The following IPO13 variants were observed in gnomAD, a reference collection of about 807,000 sequenced individuals.
IPO13 encodes importin-13.
IPO13 carries 28 observed loss-of-function variants against 115.5 expected under a neutral mutation model. That is an observed-to-expected ratio of 0.24 (90% CI 0.18 to 0.33). The LOEUF (loss-of-function observed/expected upper bound fraction) is 0.33, where lower values mean the gene tolerates loss of function less well. Ranked by LOEUF, IPO13 falls within the 10% of genes least tolerant of loss-of-function variation. The probability of loss-of-function intolerance (pLI) is 1.00; values close to 1 mark genes in which losing one functional copy is unlikely to be tolerated. For missense variants in IPO13, 785 were observed against 1,204.6 expected (o/e 0.65, Z 5.16); for synonymous variants, 414 against 478.9 (o/e 0.86, Z 1.77).
At position 43,966,870 on chromosome 1, in the gene IPO13, T is replaced by C. The variant is rs536443766; in HGVS notation, c.2524-60T>C. ...AGACAGTAGGGCTGGGGTGTACAGG[T>C]CTTGTCCTCAGGGAGAGCTGGGAAG... is the stretch of plus-strand genomic sequence containing the variant. On this transcript the variant is annotated intron_variant, in intron 17 of 19. Transcript: ENST00000372343. The surrounding 1 kb of genome is among the most constrained non-coding windows in gnomAD (Gnocchi z 4.1). 993 of 1,608,588 alleles carry C rather than the reference T, an allele frequency of 6.2e-4. 11 individuals carry two copies. In the South Asian group the frequency reaches 0.01, roughly 17 times the overall value.
rs373442225 is a variant in IPO13 at position 43,956,270 on chromosome 1, G to A, written c.822-50G>A. ...ATTATGCCTTTCTCTTAAAGCCAGT[G>A]TGGGGTTGAGCAGAGAGCTCTGATG... On this transcript the variant is annotated intron_variant, in intron 2 of 19. Transcript: ENST00000372343. The surrounding 1 kb of genome is among the most constrained non-coding windows in gnomAD (Gnocchi z 4.7). 22 of 1,606,486 alleles carry A rather than the reference G, an allele frequency of 1.4e-5. No individual in the cohort carries two copies. The highest frequency in any genetic ancestry group is 8.5e-7 in the Non-Finnish European group (1 of 1,174,434).
intron 2 of IPO13, among the ~76,000 whole-genome samples, chr1:43,954,535 A>G (rs947786322): frequency 1.3e-5 from 2 of 152,114 alleles, no homozygotes. Flanking sequence ...TGGTGACACT[A>G]TGATTGACAA....
chr1:43,948,749 C>T (rs1230697605), intron 1 of IPO13, among the ~76,000 whole-genome samples: 1 of 152,164 alleles, frequency 6.6e-6, no homozygotes, highest in Admixed American at 6.5e-5. Flanking sequence ...GAATTGAGAC[C>T]CCGGGGATTC....
At position 43,956,674 on chromosome 1, in the gene IPO13, A is replaced by T; in HGVS notation, c.1077A>T (p.Leu359=). 1 of 1,614,184 alleles carries T rather than the reference A, an allele frequency of 6.2e-7. No homozygotes were observed. Among genetic ancestry groups the T allele is most frequent in the Non-Finnish European group, 8.5e-7 (1 of 1,180,026 alleles). Residue 359 remains leucine (L), a synonymous_variant, in exon 4 of 20, where the codon CTA becomes CTT. Coordinates refer to ENST00000372343, the MANE Select transcript of IPO13 (RefSeq NM_014652.4). This position sits in a 1 kb window ranked among gnomAD's most constrained non-coding sequence, Gnocchi z 4.7. The part of the protein sequence containing the change: ...HYPVNETTSS[L]TLTFWYTLQD... ...CTGTCAATGAGACCACCAGCTCCCT[A>T]ACCCTCACCTTCTGGTACACACTGC... is the stretch of plus-strand genomic sequence containing the variant.
intron 14 of IPO13, 65 bp downstream of exon 14, chr1:43,961,327 G>C: frequency 3.1e-6 from 4 of 1,298,904 alleles, no homozygotes; most frequent in Non-Finnish European, 4.5e-6. Context: ...CCCAAATGGG[G>C]AGCCAAAGCT....
At chr1:43,964,210 TG>T in intron 14 of IPO13, 58 bp from the exon 15 acceptor site, 1 of 1,171,602 alleles carries the variant, frequency 8.5e-7, no homozygotes, top group South Asian at 1.2e-5. Flanking sequence ...CATAACTATA[TG>T]AGGTTGAGTT....
rs764136617 is a variant in IPO13, at chr1:43,958,128, C to G, written c.1692C>G (p.Pro564=). ...ICRECKYDLP[P]YAANIVAVSQ... The stretch of plus-strand genomic sequence containing the variant: ...GAGAGTGCAAGTATGACCTGCCTCC[C>G]TATGCTGCCAACATTGTGGCTGTGT... The change falls in exon 8 of 20, where the codon CCC becomes CCG. Residue 564 remains proline (P), a synonymous_variant. Coordinates refer to ENST00000372343, the MANE Select transcript of IPO13 (RefSeq NM_014652.4). This position sits in a 1 kb window ranked among gnomAD's most constrained non-coding sequence, Gnocchi z 6.3. 8.7e-6 allele frequency: 14 copies of G among 1,614,190 alleles called. No individual in the cohort carries two copies. The highest frequency in any genetic ancestry group is 1.2e-5 in the Non-Finnish European group (14 of 1,180,024).
chr1:43,963,002 T>G (rs2085300273), intron 14 of IPO13, among the ~76,000 whole-genome samples: 1 of 152,224 alleles, frequency 6.6e-6, no homozygotes, highest in Non-Finnish European at 1.5e-5. Context: ...GGCCCACCTC[T>G]AGCAGGGTGG....
chr1:43,966,732 G>A lies in IPO13; in HGVS notation c.2473G>A (p.Ala825Thr). ...VKAVFQCAVLALKFPEAPTVK... is the reference protein window; with the variant it reads ...VKAVFQCAVLTLKFPEAPTVK... ...CTCTGCCTTTCCCACAGCTGTGCTG[G>A]CCCTCAAGTTCCCTGAGGCACCTAC... is the stretch of plus-strand genomic sequence containing the variant. Residue 825 changes from alanine (A) to threonine (T), a missense_variant, in exon 17 of 20, where the codon GCC becomes ACC. Physicochemically the swap from Ala to Thr is moderately conservative, Grantham distance 58. This residue lies in a region of IPO13 where 285 missense variants were observed against 394.8 expected (regional missense o/e 0.72). Transcript: ENST00000372343. The surrounding 1 kb of genome is among the most constrained non-coding windows in gnomAD (Gnocchi z 4.1). 1 of 1,614,168 alleles carries A rather than the reference G, an allele frequency of 6.2e-7. No homozygotes were observed. Among genetic ancestry groups the A allele is most frequent in the Non-Finnish European group, 8.5e-7 (1 of 1,180,026 alleles).
chr1:43,967,644 C>T lies in IPO13; in HGVS notation c.2854C>T (p.Arg952Trp), dbSNP rs771297199. 8 of 1,614,054 alleles carry T rather than the reference C, an allele frequency of 5.0e-6. No homozygotes were observed. Among genetic ancestry groups the T allele is most frequent in the African/African-American group, 4.0e-5 (3 of 74,920 alleles). Reference sequence around the variant, plus strand: ...GGTGAAGGAGTTCACACTGCTGTGCCGGGGTCTCCATGGCACAGATTACAC... The same window carrying T: ...GGTGAAGGAGTTCACACTGCTGTGCTGGGGTCTCCATGGCACAGATTACAC... Reference protein sequence around the residue: ...EMVKEFTLLCRGLHGTDYTAD... With the variant: ...EMVKEFTLLCWGLHGTDYTAD... The change falls in exon 20 of 20, where the codon CGG becomes TGG. Residue 952 changes from arginine (R) to tryptophan (W), a missense_variant. Transcript: ENST00000372343. The surrounding 1 kb of genome is among the most constrained non-coding windows in gnomAD (Gnocchi z 6.1).
rs1557636503 is a variant in IPO13, at chr1:43,967,254, C to T, written c.2614-61C>T. On this transcript the variant is annotated intron_variant, in intron 18 of 19. Coordinates refer to ENST00000372343, the MANE Select transcript of IPO13 (RefSeq NM_014652.4). This position sits in a 1 kb window ranked among gnomAD's most constrained non-coding sequence, Gnocchi z 6.1. ...ACTGTCCAGAGGGCAGTTAGGCATT[C>T]TTGCTGCAGAAGCGGCGGAAGGGGC... is the stretch of plus-strand genomic sequence containing the variant. 1.3e-6 allele frequency: 2 copies of T among 1,557,632 alleles called. No homozygotes were observed. Among genetic ancestry groups the T allele is most frequent in the Non-Finnish European group, 1.8e-6 (2 of 1,137,958 alleles).
At position 43,950,055 on chromosome 1, in the gene IPO13, G is replaced by C; in HGVS notation, c.723G>C (p.Ala241=). 1 of 1,613,700 alleles carries C rather than the reference G, an allele frequency of 6.2e-7. No homozygotes were observed. The highest frequency in any genetic ancestry group is 8.5e-7 in the Non-Finnish European group (1 of 1,179,956). Residue 241 remains alanine (A), a synonymous_variant, in exon 2 of 20, where the codon GCG becomes GCC. Transcript: ENST00000372343. ...AGGTGCCGCTGCAGGACTGTGAGGC[G>C]CTCATTCAGGCTGCCTTTGCTGCTC... The part of the protein sequence containing the change: ...QLEVPLQDCE[A]LIQAAFAALQ...
At chr1:43,951,269 T>A (rs1048600147) in intron 2 of IPO13, among the ~76,000 whole-genome samples, 1 of 152,168 alleles carries the variant, frequency 6.6e-6, no homozygotes, top group African/African-American at 2.4e-5. Context: ...GAGCTCACAG[T>A]CTAGTGGACA....
chr1:43,964,116 T>C (rs2085307045), intron 14 of IPO13, among the ~76,000 whole-genome samples, 153 bp from the exon 15 acceptor site: 1 of 152,170 alleles, frequency 6.6e-6, no homozygotes, highest in Non-Finnish European at 1.5e-5. Flanking sequence ...TCCCAGTTCA[T>C]GGTTTTTGTA....
chr1:43,950,166 C>T lies in IPO13; in HGVS notation c.821+13C>T. ...CTGATGCCCAGAGGTGAGCTAGTACCCACTCACCCAGAAGACAACCTCTTT... is the reference window on the plus strand; with the variant it reads ...CTGATGCCCAGAGGTGAGCTAGTACTCACTCACCCAGAAGACAACCTCTTT... On this transcript the variant is annotated intron_variant, in intron 2 of 19. Transcript: ENST00000372343. 1 of 1,586,362 alleles carries T rather than the reference C, an allele frequency of 6.3e-7. No homozygotes were observed. The highest frequency in any genetic ancestry group is 8.6e-7 in the Non-Finnish European group (1 of 1,163,958).
At position 43,967,547 on chromosome 1, in the gene IPO13, G is replaced by A; in HGVS notation, c.2796-39G>A. On this transcript the variant is annotated intron_variant, in intron 19 of 19. Coordinates refer to ENST00000372343, the MANE Select transcript of IPO13 (RefSeq NM_014652.4). The surrounding 1 kb of genome is among the most constrained non-coding windows in gnomAD (Gnocchi z 6.1). ...GGTCAGGCAGAGAGGGGGCAGTGGTGGTGGCTGGTGCTAACCTGCTCTCCC... is the reference window on the plus strand; with the variant it reads ...GGTCAGGCAGAGAGGGGGCAGTGGTAGTGGCTGGTGCTAACCTGCTCTCCC... 1.2e-6 allele frequency: 2 copies of A among 1,614,070 alleles called. No individual in the cohort carries two copies. The highest frequency in any genetic ancestry group is 1.7e-6 in the Non-Finnish European group (2 of 1,179,922).
chr1:43,948,850 G>A (rs1408782797), intron 1 of IPO13, among the ~76,000 whole-genome samples: 1 of 152,248 alleles, frequency 6.6e-6, no homozygotes, highest in Non-Finnish European at 1.5e-5. Flanking sequence ...TGTGCCCTCT[G>A]AGGAGTGTTC....
At chr1:43,951,695 G>A (rs144712946) in intron 2 of IPO13, among the ~76,000 whole-genome samples, 1 of 152,336 alleles carries the variant, frequency 6.6e-6, no homozygotes, top group East Asian at 1.9e-4. Context: ...ATTAGAAGAA[G>A]TGAGACTGGA....
intron 12 of IPO13, 124 bp downstream of exon 12, chr1:43,960,453 C>T (rs2085281956): frequency 3.5e-6 from 3 of 851,930 alleles, no homozygotes; most frequent in African/African-American, 1.7e-5. Context: ...AATCCTGCCC[C>T]ATAGAGATAA....
Sources: gnomAD v4.1 joint callset for allele counts (sites outside exome capture counted in the v4.1 genomes callset) on GRCh38, gnomAD v4.1.1 for gene constraint, gnomAD v4.1.1 regional missense constraint, Gnocchi (gnomAD v3.1) non-coding constraint, MANE v1.5 for transcripts, NCBI Gene and HGNC (gene_info 2026-07-23, HGNC 2026-07-21) for gene names.